Variants in PKD1L1 observed in about 807,000 individuals in gnomAD.
The protein encoded by PKD1L1 is polycystin 1 like 1, transient receptor potential channel interacting, also known as polycystin-1-like protein 1.
PKD1L1 carries 236 observed loss-of-function variants against 323.4 expected under a neutral mutation model. The ratio of observed to expected loss-of-function variants is 0.73; its 90% confidence interval spans 0.66 to 0.81. The LOEUF (loss-of-function observed/expected upper bound fraction) is 0.81, where lower values mean the gene tolerates loss of function less well. Among genes scored for constraint, PKD1L1 ranks in the 40% least tolerant of loss-of-function variants. PKD1L1 has a pLI of 0.00. For missense variants in PKD1L1, 3,320 were observed against 3,508.0 expected (o/e 0.95, Z 1.35); for synonymous variants, 1,344 against 1,335.0 (o/e 1.01, Z -0.15).
At chr7:47,813,031 C>T (rs1333062354) in intron 49 of PKD1L1, 90 bp downstream of exon 49, 2 of 1,491,666 alleles carry the variant, frequency 1.3e-6, no homozygotes, top group Non-Finnish European at 9.0e-7. Flanking sequence ...GGAGGCTGCA[C>T]CTGCTGCAGA....
intron 22 of PKD1L1, 91 bp downstream of exon 22, chr7:47,877,398 G>T (rs1356006867): frequency 8.6e-6 from 13 of 1,516,408 alleles, no homozygotes; most frequent in African/African-American, 2.7e-5. Context: ...GAAGGACATT[G>T]CTGTCCATTC....
Position 47,934,183 on chromosome 7 carries a change from G to A in PKD1L1, c.399-2127C>T, listed in dbSNP as rs112609092. Among the ~76,000 whole-genome samples the A allele has an allele frequency of 3.1e-3, 476 of 152,358 alleles. 4 individuals carry two copies. The highest frequency in any genetic ancestry group is 0.011 in the African/African-American group (453 of 41,586). Reference sequence around the variant, plus strand: ...AGCCTGTGTGCCCGCAGCTCTGGCTGCAAAGTAATGGGAAATACTACGGAA... The same window carrying A: ...AGCCTGTGTGCCCGCAGCTCTGGCTACAAAGTAATGGGAAATACTACGGAA... On this transcript the variant is annotated intron_variant, in intron 4 of 56. Coordinates refer to ENST00000289672, the MANE Select transcript of PKD1L1 (RefSeq NM_138295.5).
At chr7:47,865,176 A>G (rs1172192133) in intron 26 of PKD1L1, 40 bp downstream of exon 26, 33 of 1,508,550 alleles carry the variant, frequency 2.2e-5, no homozygotes, top group Non-Finnish European at 2.7e-5. Context: ...TCAAAACTAT[A>G]TAAAATAGGA....
Position 47,857,848 on chromosome 7 carries a change from T to C in PKD1L1, c.4363-16A>G, listed in dbSNP as rs753079563. The C allele has an allele frequency of 6.8e-6, 11 of 1,608,308 alleles. No homozygotes were observed. The East Asian group carries it at 8.9e-5, about 13-fold the overall frequency. Reference sequence around the variant, plus strand: ...AGAGACAACCCTGAAACATAGAGCATAGGGAGTGGGATGTTTATAACACAA... The same window carrying C: ...AGAGACAACCCTGAAACATAGAGCACAGGGAGTGGGATGTTTATAACACAA... On this transcript the variant is annotated splice_polypyrimidine_tract_variant and intron_variant, in intron 27 of 56. Transcript: ENST00000289672.
At chr7:47,881,388 G>A (rs1330200936) in intron 20 of PKD1L1, among the ~76,000 whole-genome samples, 1 of 152,152 alleles carries the variant, frequency 6.6e-6, no homozygotes, top group Non-Finnish European at 1.5e-5. Context: ...TTCAAGGAAA[G>A]GGTGAAGGGA....
chr7:47,903,145 T>C (rs1321187928), intron 12 of PKD1L1, among the ~76,000 whole-genome samples: 1 of 152,130 alleles, frequency 6.6e-6, no homozygotes, highest in Non-Finnish European at 1.5e-5. Context: ...ATTTTGCAAA[T>C]GTTGCAACAT....
At chr7:47,894,855 CAA>C (rs11417820) in intron 14 of PKD1L1, among the ~76,000 whole-genome samples, 1 of 125,704 alleles carries the variant, frequency 8.0e-6, no homozygotes, top group Non-Finnish European at 1.7e-5. Context: ...GAGACCCTGT[CAA>C]AAAAAAAAAA....
chr7:47,822,090 T>C (rs1235895639), intron 45 of PKD1L1, among the ~76,000 whole-genome samples: 1 of 152,188 alleles, frequency 6.6e-6, no homozygotes, highest in Non-Finnish European at 1.5e-5. Context: ...ATTCCTGTGT[T>C]CTCTATTCTG....
chr7:47,862,957 T>C (rs148108444), intron 26 of PKD1L1, among the ~76,000 whole-genome samples: 103 of 152,224 alleles, frequency 6.8e-4, no homozygotes, highest in African/African-American at 2.5e-3. Flanking sequence ...GTGTAGCCTG[T>C]TTTCTAAGGT....
At position 47,894,005 on chromosome 7, in the gene PKD1L1, G is replaced by A. The variant is rs199648939; in HGVS notation, c.2326C>T (p.Arg776Ter). The A allele has an allele frequency of 4.3e-6, 7 of 1,610,366 alleles. No homozygotes were observed. The highest frequency in any genetic ancestry group is 1.7e-5 in the Admixed American group (1 of 59,652). The stretch of plus-strand genomic sequence containing the variant: ...ATCACACTGACAGGGGCCTGGGCTC[G>A]CACCTCCAGGCCCACACAGTAGTTG... ...YSNYCVGLEV[R>*]AQAPVSVISE... The change falls in exon 15 of 57, where the codon CGA becomes TGA. Residue 776 changes from arginine (R) to a stop codon, truncating the protein, a stop_gained. Coordinates refer to ENST00000289672, the MANE Select transcript of PKD1L1 (RefSeq NM_138295.5). LOFTEE classifies it high-confidence loss of function.
At position 47,876,021 on chromosome 7, in the gene PKD1L1, T is replaced by G. The variant is rs575745764; in HGVS notation, c.3784+76A>C. The G allele has an allele frequency of 2.6e-6, 4 of 1,524,256 alleles. No homozygotes were observed. The African/African-American group carries it at 5.5e-5, about 21-fold the overall frequency. 94.4% of individuals were successfully genotyped at this position (1,524,256 alleles called of 1,614,324 possible). On this transcript the variant is annotated intron_variant, in intron 23 of 56. Coordinates refer to ENST00000289672, the MANE Select transcript of PKD1L1 (RefSeq NM_138295.5). ...ATTTTATTTTCTAGACACAGTTTAG[T>G]TTTTGAAAACCAGGAAAAAAGGTTT...
chr7:47,787,543 C>T (rs1669340410), intron 56 of PKD1L1, among the ~76,000 whole-genome samples: 1 of 152,110 alleles, frequency 6.6e-6, no homozygotes, highest in Admixed American at 6.6e-5. Context: ...TGTGTTGTAA[C>T]TGTATAAGGA....
In PKD1L1 at chr7:47,931,349, T is replaced by C. The variant is rs779470368; in HGVS notation, c.520-28A>G. On this transcript the variant is annotated intron_variant, in intron 5 of 56. Coordinates refer to ENST00000289672, the MANE Select transcript of PKD1L1 (RefSeq NM_138295.5). Reference sequence around the variant, plus strand: ...TAAAAGTTTAAGAACAGTTCAGGGTTTATTGAATGGCCTCGTCTGGCATCA... The same window carrying C: ...TAAAAGTTTAAGAACAGTTCAGGGTCTATTGAATGGCCTCGTCTGGCATCA... 4.3e-6 allele frequency: 7 copies of C among 1,609,874 alleles called. No homozygotes were observed. In the South Asian group the frequency reaches 4.4e-5, roughly 10 times the overall value.
chr7:47,902,321 C>A, intron 13 of PKD1L1, 58 bp downstream of exon 13: 1 of 1,594,052 alleles, frequency 6.3e-7, no homozygotes, highest in Non-Finnish European at 8.5e-7. Context: ...ACAGTGGTCC[C>A]AACTCAGAGG....
At chr7:47,953,206 C>T (rs908380336), upstream of PKD1L1, among the ~76,000 whole-genome samples, 40 of 152,158 alleles carry the variant, frequency 2.6e-4, no homozygotes, top group African/African-American at 8.9e-4. Flanking sequence ...TGTTCCAATG[C>T]AATTGTTAAG....
chr7:47,778,091 C>T (rs1786610195), intron 56 of PKD1L1, among the ~76,000 whole-genome samples: 1 of 152,116 alleles, frequency 6.6e-6, no homozygotes, highest in South Asian at 2.1e-4. Context: ...TATTGTTTAT[C>T]ATTAAGAGGA....
chr7:47,801,025 C>T (rs1233385607), intron 53 of PKD1L1, 146 bp from the exon 54 acceptor site: 4 of 727,246 alleles, frequency 5.5e-6, no homozygotes, highest in Admixed American at 4.7e-5. Context: ...GGTTTTGAAC[C>T]CAAAAGGCGT....
At chr7:47,929,571 A>C (rs772384307) in intron 6 of PKD1L1, 45 bp from the exon 7 acceptor site, 1 of 1,531,614 alleles carries the variant, frequency 6.5e-7, no homozygotes, top group Non-Finnish European at 8.9e-7. Flanking sequence ...ACAGTGGACC[A>C]CTGGGGTGGG....
chr7:47,816,412 A>C (rs549802643), intron 46 of PKD1L1, among the ~76,000 whole-genome samples: 2 of 152,362 alleles, frequency 1.3e-5, no homozygotes, highest in African/African-American at 4.8e-5. Context: ...AAGGCTGTGC[A>C]TGGCAGCAGC....
Sources: gnomAD v4.1 joint callset for allele counts (sites outside exome capture counted in the v4.1 genomes callset) on GRCh38, gnomAD v4.1.1 for gene constraint, MANE v1.5 for transcripts, NCBI Gene and HGNC (gene_info 2026-07-23, HGNC 2026-07-21) for gene names.